The following SLC25A3 variants were observed in gnomAD, a reference collection of about 807,000 sequenced individuals.
SLC25A3 encodes the protein phosphate transport protein.
In SLC25A3, 14 loss-of-function variants were observed where a neutral mutation model predicts 37.1. That is an observed-to-expected ratio of 0.38 (90% CI 0.25 to 0.59). The LOEUF (loss-of-function observed/expected upper bound fraction) is 0.59, where lower values mean the gene tolerates loss of function less well. Among genes scored for constraint, SLC25A3 ranks in the 20% least tolerant of loss-of-function variants. The pLI is 0.67. For synonymous variants in SLC25A3, 161 were observed against 168.7 expected (o/e 0.95, Z 0.36); for missense variants, 385 against 458.1 (o/e 0.84, Z 1.46).
intron 6 of SLC25A3, 122 bp from the exon 7 acceptor site, chr12:98,601,049 C>T (rs2153287888): frequency 8.9e-7 from 1 of 1,127,410 alleles, no homozygotes; most frequent in South Asian, 1.4e-5. Context: ...CCCGTGTCAC[C>T]CTGAGTCTGA....
At chr12:98,594,505 T>G (rs2153282752) in intron 2 of SLC25A3, 1 of 603,430 alleles carries the variant, frequency 1.7e-6, no homozygotes, top group Non-Finnish European at 3.0e-6. Context: ...CTATATTACC[T>G]GTCCTTTGAT....
Position 98,601,515 on chromosome 12 carries a change from G to A in SLC25A3, c.1073G>A (p.Gly358Glu), listed in dbSNP as rs2097597888. 1 of 1,611,446 alleles carries A rather than the reference G, an allele frequency of 6.2e-7. No homozygotes were observed. Among genetic ancestry groups the A allele is most frequent in the African/African-American group, 1.3e-5 (1 of 74,956 alleles). Residue 358 changes from glycine (G) to glutamate (E), a missense_variant, in exon 8 of 8, where the codon GGG becomes GAG. Gly to Glu is a moderately conservative substitution (Grantham distance 98). Transcript: ENST00000552981. ...EMPESLKKKL[G>E]LTQ ...CCAGAGTCTCTGAAGAAGAAGCTTG[G>A]GTTAACTCAGTAGTTAGATCAAAGC...
intron 3 of SLC25A3, chr12:98,597,482 G>A: frequency 4.1e-6 from 1 of 241,104 alleles, no homozygotes; most frequent in South Asian, 5.1e-5. Flanking sequence ...TGCCATCGTG[G>A]CTCACTGCAA....
In SLC25A3 at chr12:98,601,625, C is replaced by T; in HGVS notation, c.*97C>T. The T allele has an allele frequency of 2.5e-6, 2 of 812,638 alleles. No homozygotes were observed. The highest frequency in any genetic ancestry group is 5.1e-5 in the East Asian group (2 of 39,004). The allele number at this position is 812,638 out of a possible 1,614,324, so 50.3% of individuals were successfully genotyped here. ...TATATTTGACAGTGTAGGAAATTGT[C>T]TATTCCTGATATAATTACTGTAGTA... On this transcript the variant is annotated 3_prime_UTR_variant, in exon 8 of 8. Coordinates refer to ENST00000552981, the MANE Select transcript of SLC25A3 (RefSeq NM_002635.4).
Position 98,601,414 on chromosome 12 carries a change from G to T in SLC25A3, c.972G>T (p.Leu324=), listed in dbSNP as rs753671790. 1 of 1,613,898 alleles carries T rather than the reference G, an allele frequency of 6.2e-7. No homozygotes were observed. The highest frequency in any genetic ancestry group is 1.1e-5 in the South Asian group (1 of 91,074). Residue 324 remains leucine, a synonymous_variant, in exon 8 of 8, where the codon CTG becomes CTT. Coordinates refer to ENST00000552981, the MANE Select transcript of SLC25A3 (RefSeq NM_002635.4). The part of the protein sequence containing the change: ...LFARIIMIGT[L]TALQWFIYDS... ...CCCGTATCATCATGATTGGTACCCT[G>T]ACTGCACTACAGTGGTTTATCTATG...
At chr12:98,593,882 G>T in intron 1 of SLC25A3, 93 bp from the exon 2 acceptor site, 1 of 1,428,144 alleles carries the variant, frequency 7.0e-7, no homozygotes. Context: ...GCGTGGAGAC[G>T]GGAAGGAAAA....
Position 98,604,252 on chromosome 12 carries a change from C to T in SLC25A3, c.*2724C>T, listed in dbSNP as rs1171722036. ...GGGCAACAACAGCGAAACTCTGTCT[C>T]AAAAAAAAAAAATATATATATATAT... On this transcript the variant is annotated 3_prime_UTR_variant, in exon 8 of 8. Coordinates refer to ENST00000552981, the MANE Select transcript of SLC25A3 (RefSeq NM_002635.4). 1 of 112,984 alleles carries T rather than the reference C, an allele frequency of 8.9e-6. No individual in the cohort carries two copies. The highest frequency in any genetic ancestry group is 1.8e-5 in the Non-Finnish European group (1 of 57,094). The allele number at this position is 112,984 out of a possible 1,614,324, so 7.0% of individuals were successfully genotyped here. A position where few individuals can be genotyped will look rare whatever the true frequency, so the allele number is the denominator to read the frequency against.
intron 5 of SLC25A3, chr12:98,599,490 G>A (rs2097595884): frequency 8.3e-5 from 34 of 411,098 alleles, no homozygotes; most frequent in South Asian, 6.3e-4. Flanking sequence ...GCCCTGGACT[G>A]AGTTTTTTTT....
chr12:98,594,580 C>T, intron 2 of SLC25A3: 1 of 572,770 alleles, frequency 1.7e-6, no homozygotes, highest in Non-Finnish European at 3.1e-6. Flanking sequence ...CCAGGTCAGT[C>T]ATTTTTGCAC....
chr12:98,602,331 A>T lies in SLC25A3; in HGVS notation c.*803A>T, dbSNP rs1470744519. Reference sequence around the variant, plus strand: ...AGGCATGTGCCACCACGCCCAGCTAATTTTGTATTTTTAGTAGAGACGGGG... The same window carrying T: ...AGGCATGTGCCACCACGCCCAGCTATTTTTGTATTTTTAGTAGAGACGGGG... On this transcript the variant is annotated 3_prime_UTR_variant, in exon 8 of 8. Transcript: ENST00000552981. The T allele has an allele frequency of 2.0e-5, 3 of 152,166 alleles. No individual in the cohort carries two copies. The highest frequency in any genetic ancestry group is 4.4e-5 in the Non-Finnish European group (3 of 68,142). 9.4% of individuals were successfully genotyped at this position (152,166 alleles called of 1,614,324 possible).
At chr12:98,595,555 C>A (rs757880650) in intron 2 of SLC25A3, 172 bp from the exon 3 acceptor site, 2 of 1,614,090 alleles carry the variant, frequency 1.2e-6, no homozygotes, top group Non-Finnish European at 1.7e-6. Flanking sequence ...ATGCAGAATG[C>A]AGGTTTGTTT....
At chr12:98,596,365 A>G (rs888876683) in intron 3 of SLC25A3, among the ~76,000 whole-genome samples, 1 of 152,244 alleles carries the variant, frequency 6.6e-6, no homozygotes, top group African/African-American at 2.4e-5. Flanking sequence ...AACAAAAACA[A>G]GACATCGAAA....
intron 1 of SLC25A3, 48 bp from the exon 2 acceptor site, chr12:98,593,927 T>G: frequency 3.1e-6 from 5 of 1,612,112 alleles, no homozygotes; most frequent in Non-Finnish European, 4.2e-6. Flanking sequence ...CCGGTAACGT[T>G]AACCGGCGCC....
chr12:98,598,752 G>T (rs752341112), intron 5 of SLC25A3, 49 bp downstream of exon 5: 11 of 1,457,478 alleles, frequency 7.5e-6, no homozygotes, highest in Non-Finnish European at 8.5e-6. Flanking sequence ...TATTTTAAGT[G>T]AACTTCATTT....
rs1325214548 is a variant in SLC25A3 at position 98,603,452 on chromosome 12, A to G, written c.*1924A>G. The G allele has an allele frequency of 1.3e-5, 2 of 152,212 alleles. No individual in the cohort carries two copies. The highest frequency in any genetic ancestry group is 3.8e-4 in the East Asian group (2 of 5,200). 9.4% of individuals were successfully genotyped at this position (152,212 alleles called of 1,614,324 possible). On this transcript the variant is annotated 3_prime_UTR_variant, in exon 8 of 8. Transcript: ENST00000552981. ...CTCTTGGTTACAACAGTGATGTCTC[A>G]GAAACCAAGTCCCAGATTGAGGAAA...
chr12:98,595,475 T>C (rs773409442), intron 2 of SLC25A3: 1 of 1,613,698 alleles, frequency 6.2e-7, no homozygotes, highest in Non-Finnish European at 8.5e-7. Flanking sequence ...TTCTTTATCC[T>C]TTGTGGACTT....
chr12:98,596,095 C>T (rs2097592782), intron 3 of SLC25A3, among the ~76,000 whole-genome samples: 1 of 152,174 alleles, frequency 6.6e-6, no homozygotes, highest in Admixed American at 6.5e-5. Flanking sequence ...CTCTTCACTT[C>T]TGGCCGGAGT....
At chr12:98,598,411 G>T in intron 4 of SLC25A3, 111 bp from the exon 5 acceptor site, 1 of 1,537,276 alleles carries the variant, frequency 6.5e-7, no homozygotes, top group South Asian at 1.2e-5. Context: ...CCATATCATC[G>T]TGTGTTACTT....
In SLC25A3 at chr12:98,593,987, G is replaced by A. The variant is rs139549004; in HGVS notation, c.9G>A (p.Ser3=). MF[S]SVAHLARANP... The stretch of plus-strand genomic sequence containing the variant: ...CCTCCTCCCCTAGAAAGATGTTCTC[G>A]TCCGTGGCGCACCTGGCGCGGGCGA... The change falls in exon 2 of 8, where the codon TCG becomes TCA. Residue 3 remains serine (S), a synonymous_variant. Transcript: ENST00000552981. The A allele has an allele frequency of 3.7e-6, 6 of 1,613,804 alleles. No individual in the cohort carries two copies. Among genetic ancestry groups the A allele is most frequent in the Middle Eastern group, 1.6e-4 (1 of 6,084 alleles).
Sources: allele counts gnomAD v4.1 joint callset (sites outside exome capture counted in the v4.1 genomes callset), GRCh38; gene constraint gnomAD v4.1.1; transcripts MANE v1.5; gene names NCBI Gene and HGNC (gene_info 2026-07-23, HGNC 2026-07-21).